CFTR: variants seen among roughly 807,000 people sequenced by gnomAD.
The protein encoded by CFTR is cystic fibrosis transmembrane conductance regulator.
A neutral mutation model predicts 171.6 loss-of-function variants in CFTR; 181 were observed. The observed-to-expected ratio is 1.05, with a 90% CI of 0.93 to 1.19. The LOEUF (loss-of-function observed/expected upper bound fraction) is 1.19. Among genes scored for constraint, CFTR ranks in the 50% most tolerant of loss-of-function variants. The pLI, the probability that CFTR is intolerant of heterozygous loss-of-function variation, is 0.00. For synonymous variants in CFTR, 583 were observed against 608.0 expected (o/e 0.96, Z 0.60); for missense variants, 1,968 against 1,734.7 (o/e 1.13, Z -2.39).
chr7:117,540,711 T>G (rs1799038792), intron 8 of CFTR, among the ~76,000 whole-genome samples: 1 of 152,256 alleles, frequency 6.6e-6, no homozygotes, highest in African/African-American at 2.4e-5. Context: ...TTATGCTTTT[T>G]TGCTGTTTAT....
intron 3 of CFTR, among the ~76,000 whole-genome samples, 158 bp downstream of exon 3, chr7:117,509,300 G>A (rs369501659): frequency 1.8e-4 from 27 of 152,290 alleles, no homozygotes; most frequent in African/African-American, 5.8e-4. Flanking sequence ...GTAAGGATAA[G>A]TAAAAATCCT....
At chr7:117,589,706 A>G (rs1791997837) in intron 12 of CFTR, among the ~76,000 whole-genome samples, 1 of 152,058 alleles carries the variant, frequency 6.6e-6, no homozygotes, top group Non-Finnish European at 1.5e-5. Flanking sequence ...TATGATATAG[A>G]GACTGAAACT....
In CFTR at chr7:117,544,970, A is replaced by C. The variant is rs1799115161; in HGVS notation, c.1209+2862A>C. Among the ~76,000 whole-genome samples, 4 of 152,230 alleles carry C rather than the reference A, an allele frequency of 2.6e-5. No individual in the cohort carries two copies. The South Asian group carries it at 8.3e-4, about 32-fold the overall frequency. On this transcript the variant is annotated intron_variant, in intron 9 of 26. Coordinates refer to ENST00000003084, the MANE Select transcript of CFTR (RefSeq NM_000492.4). ...TGCCGTGCTTGCCACTTAAGTGATG[A>C]TGGGCCAGTGGGTCCCCACCTAGGC...
In CFTR at chr7:117,535,089, G is replaced by A. The variant is rs34159932; in HGVS notation, c.580-159G>A. ...GTAGAATGTTTAAGCACATTGCTAT[G>A]TGCTCCATGTAATGATTACCTAGAT... On this transcript the variant is annotated intron_variant, in intron 5 of 26. Coordinates refer to ENST00000003084, the MANE Select transcript of CFTR (RefSeq NM_000492.4). Among the ~76,000 whole-genome samples the A allele has an allele frequency of 0.12, 17,779 of 152,218 alleles. 1,133 individuals carry two copies. The highest frequency in any genetic ancestry group is 0.13 in the Middle Eastern group (37 of 294).
Position 117,627,631 on chromosome 7 carries a change from T to C in CFTR, c.3578T>C (p.Ile1193Thr). The part of the protein sequence containing the change: ...KNGQLSKVMI[I>T]ENSHVKKDDI... ...GGCCAACTCTCGAAAGTTATGATTA[T>C]TGAGAATTCACACGTGAAGAAAGAT... Residue 1193 changes from isoleucine (I) to threonine (T), a missense_variant, in exon 22 of 27, where the codon ATT becomes ACT. Physicochemically the swap from Ile to Thr is moderately conservative, Grantham distance 89. Coordinates refer to ENST00000003084, the MANE Select transcript of CFTR (RefSeq NM_000492.4). 1.9e-6 allele frequency: 3 copies of C among 1,613,508 alleles called. No individual in the cohort carries two copies. Among genetic ancestry groups the C allele is most frequent in the Non-Finnish European group, 2.5e-6 (3 of 1,179,618 alleles).
At chr7:117,512,990 AG>A (rs1798544990) in intron 3 of CFTR, among the ~76,000 whole-genome samples, 1 of 152,158 alleles carries the variant, frequency 6.6e-6, no homozygotes, top group East Asian at 1.9e-4. Context: ...TATATGGCAA[AG>A]GAGGATCTCT....
intron 1 of CFTR, 74 bp downstream of exon 1, chr7:117,480,221 T>G (rs1294676254): frequency 3.5e-6 from 5 of 1,412,474 alleles, no homozygotes; most frequent in Non-Finnish European, 5.0e-6. Context: ...TGGGTTGGGT[T>G]TGGGGTAAAG....
intron 3 of CFTR, among the ~76,000 whole-genome samples, chr7:117,521,953 G>A (rs1308886808): frequency 6.6e-6 from 1 of 152,036 alleles, no homozygotes; most frequent in African/African-American, 2.4e-5. Flanking sequence ...AACCATAAAT[G>A]GTTAAAGAAT....
intron 1 of CFTR, among the ~76,000 whole-genome samples, 178 bp downstream of exon 1, chr7:117,480,325 T>C (rs181910285): frequency 2.5e-4 from 38 of 152,258 alleles, no homozygotes; most frequent in Middle Eastern, 3.4e-3. Flanking sequence ...TAAGAAGAGA[T>C]GGAAGAATGA....
chr7:117,567,747 G>A (rs1005685120), intron 11 of CFTR, among the ~76,000 whole-genome samples: 1 of 152,056 alleles, frequency 6.6e-6, no homozygotes, highest in Admixed American at 6.6e-5. Flanking sequence ...TAGGGACTGG[G>A]CCAAACTCTA....
chr7:117,579,227 G>T (rs1791816305), intron 11 of CFTR, among the ~76,000 whole-genome samples: 1 of 151,860 alleles, frequency 6.6e-6, no homozygotes, highest in Non-Finnish European at 1.5e-5. Flanking sequence ...ATAAGATCTG[G>T]ATGAATAGAA....
At chr7:117,612,003 TC>T (rs1271003481) in intron 20 of CFTR, among the ~76,000 whole-genome samples, 195 bp downstream of exon 20, 1 of 95,800 alleles carries the variant, frequency 1.0e-5, no homozygotes, top group African/African-American at 4.1e-5. Flanking sequence ...TTCCTTGAAA[TC>T]GGATATATAT....
At chr7:117,643,500 C>T (rs533857042) in intron 23 of CFTR, among the ~76,000 whole-genome samples, 1 of 152,230 alleles carries the variant, frequency 6.6e-6, no homozygotes, top group South Asian at 2.1e-4. Flanking sequence ...GGAACATTTG[C>T]TCCTTTCAAC....
At chr7:117,552,812 A>G (rs1799294572) in intron 10 of CFTR, among the ~76,000 whole-genome samples, 2 of 152,126 alleles carry the variant, frequency 1.3e-5, no homozygotes. Context: ...ACAACTTTCC[A>G]TATTCAAAGC....
At chr7:117,573,891 C>T (rs567041604) in intron 11 of CFTR, among the ~76,000 whole-genome samples, 9 of 152,054 alleles carry the variant, frequency 5.9e-5, no homozygotes, top group Non-Finnish European at 1.3e-4. Flanking sequence ...TGATTTCCCA[C>T]AACAATTTTT....
intron 23 of CFTR, 113 bp from the exon 24 acceptor site, chr7:117,652,729 T>C (rs1050097166): frequency 1.9e-5 from 12 of 620,342 alleles, no homozygotes; most frequent in East Asian, 2.8e-5. Context: ...TACATGGGTG[T>C]TTCTTATTTT....
intron 5 of CFTR, 63 bp from the exon 6 acceptor site, chr7:117,535,185 T>C (rs1412288369): frequency 6.5e-7 from 1 of 1,540,798 alleles, no homozygotes; most frequent in African/African-American, 1.4e-5. Flanking sequence ...TCATATATGA[T>C]TGTTAGTTTC....
chr7:117,598,572 G>A (rs749893377), intron 15 of CFTR, among the ~76,000 whole-genome samples: 12 of 152,276 alleles, frequency 7.9e-5, no homozygotes, highest in Admixed American at 2.6e-4. Context: ...ATATCTAAAC[G>A]TATGTACCAA....
intron 9 of CFTR, among the ~76,000 whole-genome samples, chr7:117,546,457 T>C (rs1799149197): frequency 6.6e-6 from 1 of 152,116 alleles, no homozygotes; most frequent in South Asian, 2.1e-4. Flanking sequence ...TTTTAGTATA[T>C]GTAAATATAC....
Sources: gnomAD v4.1 joint callset for allele counts (sites outside exome capture counted in the v4.1 genomes callset) on GRCh38, gnomAD v4.1.1 for gene constraint, MANE v1.5 for transcripts, NCBI Gene and HGNC (gene_info 2026-07-23, HGNC 2026-07-21) for gene names.